CRHR1: variants seen among roughly 807,000 people sequenced by gnomAD.
CRHR1 encodes the protein corticotropin releasing hormone receptor 1, also known as corticotropin-releasing hormone receptor 1.
Under a neutral mutation model 56.0 loss-of-function variants are expected in CRHR1, and 28 were observed. That is an observed-to-expected ratio of 0.50 (90% confidence interval 0.37 to 0.69). CRHR1 has a LOEUF of 0.69. Ranked by LOEUF, CRHR1 falls within the 30% of genes least tolerant of loss-of-function variation. CRHR1 has a pLI of 0.00. For synonymous variants in CRHR1, 195 were observed against 216.5 expected (o/e 0.90, Z 0.87); for missense variants, 376 against 548.0 (o/e 0.69, Z 3.13).
intron 1 of CRHR1, among the ~76,000 whole-genome samples, chr17:45,786,488 A>T (rs2061338557): frequency 6.6e-6 from 1 of 152,192 alleles, no homozygotes; most frequent in Admixed American, 6.5e-5. Flanking sequence ...TCCTCCTAAC[A>T]GCCCTAGGAA....
intron 1 of CRHR1, among the ~76,000 whole-genome samples, chr17:45,796,780 G>A (rs772787230): frequency 6.6e-6 from 1 of 152,142 alleles, no homozygotes; most frequent in South Asian, 2.1e-4. Context: ...AGAAAGAAAG[G>A]AAGGAAAGAA....
At chr17:45,789,859 G>A (rs993135419) in intron 1 of CRHR1, among the ~76,000 whole-genome samples, 1 of 152,152 alleles carries the variant, frequency 6.6e-6, no homozygotes, top group Non-Finnish European at 1.5e-5. Context: ...TGTCTAAAGC[G>A]GGGGAAATAA....
At chr17:45,815,416 T>G (rs1257688213) in intron 2 of CRHR1, among the ~76,000 whole-genome samples, 4 of 152,148 alleles carry the variant, frequency 2.6e-5, no homozygotes, top group African/African-American at 7.2e-5. Flanking sequence ...ATCCTCTCTC[T>G]CTCGCGTGCT....
chr17:45,806,522 A>C (rs1242994641), intron 1 of CRHR1, among the ~76,000 whole-genome samples: 3 of 152,200 alleles, frequency 2.0e-5, no homozygotes, highest in Non-Finnish European at 4.4e-5. Context: ...AACTGTTCAC[A>C]AAACAAGAGG....
intron 3 of CRHR1, among the ~76,000 whole-genome samples, chr17:45,817,518 C>A (rs2061953710): frequency 6.6e-6 from 1 of 152,270 alleles, no homozygotes; most frequent in South Asian, 2.1e-4. Flanking sequence ...AGCCCCTCAT[C>A]TGAGGATGGA....
chr17:45,830,068 A>T, intron 5 of CRHR1, 26 bp from the exon 6 acceptor site: 2 of 1,613,706 alleles, frequency 1.2e-6, no homozygotes, highest in Non-Finnish European at 1.7e-6. Context: ...TATCGCTCCC[A>T]TCATCCACCC....
chr17:45,793,602 G>C (rs770229496), intron 1 of CRHR1, among the ~76,000 whole-genome samples: 1 of 152,218 alleles, frequency 6.6e-6, no homozygotes, highest in South Asian at 2.1e-4. Flanking sequence ...CCTGTGAGTC[G>C]GTGTGGGGGT....
chr17:45,833,956 G>A, intron 11 of CRHR1, 51 bp from the exon 12 acceptor site: 1 of 1,613,292 alleles, frequency 6.2e-7, no homozygotes, highest in East Asian at 2.2e-5. Context: ...CCCAGAGGCT[G>A]GGTGGGCAAC....
At chr17:45,812,882 T>C (rs1392180797) in intron 2 of CRHR1, among the ~76,000 whole-genome samples, 2 of 152,178 alleles carry the variant, frequency 1.3e-5, no homozygotes, top group African/African-American at 4.8e-5. Context: ...AATTAAGTCG[T>C]GCAAAGCGCC....
At chr17:45,814,260 G>T (rs146201162) in intron 2 of CRHR1, among the ~76,000 whole-genome samples, 1 of 152,206 alleles carries the variant, frequency 6.6e-6, no homozygotes, top group Non-Finnish European at 1.5e-5. Context: ...AGGTACAATG[G>T]TGCCATTAAA....
At chr17:45,821,581 G>A in intron 4 of CRHR1, 141 bp downstream of exon 4, 2 of 829,884 alleles carry the variant, frequency 2.4e-6, no homozygotes, top group Admixed American at 4.4e-5. Flanking sequence ...GGGAGCTGGA[G>A]CTGTCAACTT....
At chr17:45,788,270 A>G (rs978873341) in intron 1 of CRHR1, among the ~76,000 whole-genome samples, 1 of 152,120 alleles carries the variant, frequency 6.6e-6, no homozygotes, top group African/African-American at 2.4e-5. Flanking sequence ...TCTGCCTCCA[A>G]TCAGCTGTGT....
chr17:45,821,383 T>G lies in CRHR1; in HGVS notation c.270T>G (p.Asn90Lys). Residue 90 changes from asparagine (N) to lysine (K), a missense_variant, in exon 4 of 13, where the codon AAT becomes AAG. Physicochemically the swap from Asn to Lys is moderately conservative, Grantham distance 94 (BLOSUM62 0). Around this residue, in one of 2 missense-constraint regions of CRHR1, gnomAD observed 369 missense variants for 519.5 expected, o/e 0.71. Coordinates refer to ENST00000314537, the MANE Select transcript of CRHR1 (RefSeq NM_004382.5). ...ATGGCTACCGGGAGTGCCTGGCCAA[T>G]GGCAGCTGGGCCGCCCGCGTGAATT... ...TNNGYRECLA[N>K]GSWAARVNYS... The G allele has an allele frequency of 6.2e-7, 1 of 1,613,544 alleles. No homozygotes were observed. The highest frequency in any genetic ancestry group is 8.5e-7 in the Non-Finnish European group (1 of 1,180,022).
At chr17:45,823,286 A>T (rs1449934230) in intron 4 of CRHR1, among the ~76,000 whole-genome samples, 1 of 151,816 alleles carries the variant, frequency 6.6e-6, no homozygotes, top group Non-Finnish European at 1.5e-5. Flanking sequence ...GAGCCTTCTG[A>T]TGGGGCAAAA....
chr17:45,793,533 A>T (rs1451280897), intron 1 of CRHR1, among the ~76,000 whole-genome samples: 1 of 152,218 alleles, frequency 6.6e-6, no homozygotes, highest in African/African-American at 2.4e-5. Flanking sequence ...CGCCAAGAGC[A>T]CTGGCATTCC....
chr17:45,833,049 A>T (rs2062350635), intron 8 of CRHR1, 89 bp from the exon 9 acceptor site: 2 of 1,179,474 alleles, frequency 1.7e-6, no homozygotes, highest in Non-Finnish European at 2.5e-6. Flanking sequence ...CTCCAGCCCC[A>T]GTCCTGTCCT....
intron 1 of CRHR1, among the ~76,000 whole-genome samples, chr17:45,804,209 C>T (rs1409109874): frequency 6.6e-6 from 1 of 152,164 alleles, no homozygotes; most frequent in Admixed American, 6.5e-5. Context: ...TTGGCTAACC[C>T]CAGTGCCATC....
intron 1 of CRHR1, among the ~76,000 whole-genome samples, chr17:45,790,217 T>A (rs921331954): frequency 6.6e-6 from 1 of 152,166 alleles, no homozygotes. Flanking sequence ...AAAGTAGATA[T>A]GTAGGGAGGA....
rs370256982 is a variant in CRHR1, at chr17:45,797,570, G to A, written c.34-9440G>A. Among the ~76,000 whole-genome samples, 24 of 152,100 alleles carry A rather than the reference G, an allele frequency of 1.6e-4. No homozygotes were observed. The East Asian group carries it at 2.3e-3, about 15-fold the overall frequency. On this transcript the variant is annotated intron_variant, in intron 1 of 12. Transcript: ENST00000314537. Reference sequence around the variant, plus strand: ...TGGGATTACAGGCATGAGCCACCACGCCCGGCCCCATGCAGTTTTATATGC... The same window carrying A: ...TGGGATTACAGGCATGAGCCACCACACCCGGCCCCATGCAGTTTTATATGC...
Sources: gnomAD v4.1 joint callset for allele counts (sites outside exome capture counted in the v4.1 genomes callset) on GRCh38, gnomAD v4.1.1 for gene constraint, gnomAD v4.1.1 regional missense constraint, MANE v1.5 for transcripts, NCBI Gene and HGNC (gene_info 2026-07-23, HGNC 2026-07-21) for gene names.